The following ATF7 variants were observed in gnomAD, a reference collection of about 807,000 sequenced individuals.
ATF7 encodes activating transcription factor 7.
ATF7 carries 10 observed loss-of-function variants against 50.4 expected under a neutral mutation model. The observed-to-expected ratio is 0.20, with a 90% CI of 0.12 to 0.34. The LOEUF is 0.34. Ranked by LOEUF, ATF7 falls within the 10% of genes least tolerant of loss-of-function variation. The probability of loss-of-function intolerance (pLI) is 1.00; values close to 1 mark genes in which losing one functional copy is unlikely to be tolerated. For missense variants in ATF7, 465 were observed against 613.9 expected (o/e 0.76, Z 2.56); for synonymous variants, 201 against 226.4 (o/e 0.89, Z 1.01).
chr12:53,556,049 C>T (rs1286184659), intron 2 of ATF7, among the ~76,000 whole-genome samples: 2 of 152,142 alleles, frequency 1.3e-5, no homozygotes, highest in Non-Finnish European at 1.5e-5. Flanking sequence ...CTCCCGACCT[C>T]AGGTGATCCA....
chr12:53,581,123 T>A (rs1039085520), intron 2 of ATF7, among the ~76,000 whole-genome samples: 27 of 149,144 alleles, frequency 1.8e-4, no homozygotes, highest in African/African-American at 3.0e-4. Context: ...AAAAAAAAAA[T>A]AAATAAAAAA....
chr12:53,554,502 G>T (rs573386796), intron 2 of ATF7, among the ~76,000 whole-genome samples: 1 of 152,118 alleles, frequency 6.6e-6, no homozygotes, highest in Admixed American at 6.5e-5. Context: ...AGGCTGAGGT[G>T]GGGGGAGCCC....
At chr12:53,527,910 T>G (rs1938574293) in intron 9 of ATF7, among the ~76,000 whole-genome samples, 4 of 151,954 alleles carry the variant, frequency 2.6e-5, no homozygotes, top group African/African-American at 9.7e-5. Context: ...GGTGCAATCT[T>G]GGCTCACTGT....
At chr12:53,518,131 C>G (rs1937844347) in intron 11 of ATF7, among the ~76,000 whole-genome samples, 1 of 152,264 alleles carries the variant, frequency 6.6e-6, no homozygotes, top group South Asian at 2.1e-4. Context: ...TCCCAAAGTG[C>G]TGGGATTATA....
chr12:53,518,258 C>T (rs373503437), intron 11 of ATF7, among the ~76,000 whole-genome samples: 2 of 152,258 alleles, frequency 1.3e-5, no homozygotes, highest in African/African-American at 2.4e-5. Context: ...TTATGAATGG[C>T]CAGTCCCTGG....
At chr12:53,520,961 C>T (rs1248405800) in intron 11 of ATF7, among the ~76,000 whole-genome samples, 1 of 151,994 alleles carries the variant, frequency 6.6e-6, no homozygotes, top group Admixed American at 6.6e-5. Flanking sequence ...CCCTTGTACC[C>T]CTGATGTCCT....
chr12:53,546,192 CAAAA>C (rs980220929), intron 3 of ATF7, among the ~76,000 whole-genome samples: 69 of 151,106 alleles, frequency 4.6e-4, no homozygotes, highest in Middle Eastern at 3.4e-3. Context: ...AACTCCATCT[CAAAA>C]AAACAAACAA....
chr12:53,609,641 T>TA (rs74845346), intron 1 of ATF7, among the ~76,000 whole-genome samples: 261 of 133,112 alleles, frequency 2.0e-3, no homozygotes, highest in Middle Eastern at 3.8e-3. Context: ...CTGGGACTCT[T>TA]AAAAAAAAAA....
chr12:53,538,527 C>T (rs1565932143), intron 4 of ATF7, among the ~76,000 whole-genome samples: 1 of 152,150 alleles, frequency 6.6e-6, no homozygotes, highest in Non-Finnish European at 1.5e-5. Context: ...AGAGCACTTT[C>T]CTGGCAGTGA....
chr12:53,566,336 G>T (rs985344390), intron 2 of ATF7, among the ~76,000 whole-genome samples: 1 of 152,124 alleles, frequency 6.6e-6, no homozygotes, highest in Non-Finnish European at 1.5e-5. Flanking sequence ...GACATTATTG[G>T]TTTCTTAACC....
At chr12:53,587,844 T>TATATATATATATA (rs1491300296) in intron 2 of ATF7, among the ~76,000 whole-genome samples, 1,516 of 39,826 alleles carry the variant, frequency 0.038, 6 homozygotes, top group South Asian at 0.076. Context: ...TATATATATA[T>TATATATATATATA]TTTTTTTTTT....
chr12:53,550,343 T>A (rs961129142), intron 3 of ATF7, among the ~76,000 whole-genome samples: 3,648 of 136,414 alleles, frequency 0.027, 123 homozygotes, highest in Admixed American at 0.061. Context: ...AATAAATAAA[T>A]AAATAAATAA....
At chr12:53,544,768 C>A (rs1216795073) in intron 3 of ATF7, among the ~76,000 whole-genome samples, 3 of 151,796 alleles carry the variant, frequency 2.0e-5, no homozygotes, top group Non-Finnish European at 2.9e-5. Context: ...AACAAAAAAA[C>A]CCAAAAACAC....
At chr12:53,596,274 T>C (rs181889636) in intron 2 of ATF7, among the ~76,000 whole-genome samples, 1 of 152,294 alleles carries the variant, frequency 6.6e-6, no homozygotes, top group East Asian at 1.9e-4. Flanking sequence ...CACTCTAGCC[T>C]GGGCGATAAG....
At chr12:53,608,302 T>C (rs927133368) in intron 1 of ATF7, among the ~76,000 whole-genome samples, 1 of 151,370 alleles carries the variant, frequency 6.6e-6, no homozygotes, top group Non-Finnish European at 1.5e-5. Context: ...AAACAGTATA[T>C]TTAAAAATTA....
At chr12:53,543,569 G>C (rs1351049212) in intron 3 of ATF7, 121 bp from the exon 4 acceptor site, 1 of 1,147,780 alleles carries the variant, frequency 8.7e-7, no homozygotes, top group African/African-American at 1.6e-5. Flanking sequence ...CTTTGTGTTA[G>C]GGCAAATTTG....
chr12:53,560,913 G>A (rs534463327), intron 2 of ATF7, among the ~76,000 whole-genome samples: 1 of 150,652 alleles, frequency 6.6e-6, no homozygotes, highest in South Asian at 2.1e-4. Context: ...TTTTAATTCA[G>A]TATCTATACT....
intron 2 of ATF7, among the ~76,000 whole-genome samples, chr12:53,578,242 C>A (rs556005558): frequency 6.6e-6 from 1 of 151,186 alleles, no homozygotes; most frequent in Non-Finnish European, 1.5e-5. Flanking sequence ...AGTGTCCTGG[C>A]GTGTACCTAT....
chr12:53,542,427 C>CA (rs59513977), intron 4 of ATF7, among the ~76,000 whole-genome samples: 3,191 of 136,368 alleles, frequency 0.023, 44 homozygotes, highest in African/African-American at 0.037. Flanking sequence ...ACTCTTGTCT[C>CA]AAAAAAAAAA....
Sources: allele counts gnomAD v4.1 joint callset (sites outside exome capture counted in the v4.1 genomes callset), GRCh38; gene constraint gnomAD v4.1.1; transcripts MANE v1.5; gene names NCBI Gene and HGNC (gene_info 2026-07-23, HGNC 2026-07-21).